The following MUSK variants were observed in gnomAD, a reference collection of about 807,000 sequenced individuals.
MUSK encodes muscle associated receptor tyrosine kinase.
In MUSK, 55 loss-of-function variants were observed where a neutral mutation model predicts 88.7. The ratio of observed to expected loss-of-function variants is 0.62; its 90% confidence interval spans 0.50 to 0.78. MUSK has a LOEUF of 0.78. Ranked by LOEUF, MUSK falls within the 30% of genes least tolerant of loss-of-function variation. The pLI is 0.00. For synonymous variants in MUSK, 387 were observed against 391.9 expected (o/e 0.99, Z 0.15); for missense variants, 1,015 against 1,074.3 (o/e 0.94, Z 0.77).
intron 9 of MUSK, among the ~76,000 whole-genome samples, 169 bp downstream of exon 9, chr9:110,768,252 C>T (rs761072287): frequency 6.6e-6 from 1 of 152,248 alleles, no homozygotes; most frequent in Non-Finnish European, 1.5e-5. Context: ...AATCCCAGCA[C>T]TTCGGGAGGC....
Position 110,775,959 on chromosome 9 carries a change from T to C in MUSK, c.1356T>C (p.His452=), listed in dbSNP as rs1393990919. 1 of 1,610,794 alleles carries C rather than the reference T, an allele frequency of 6.2e-7. No individual in the cohort carries two copies. Among genetic ancestry groups the C allele is most frequent in the Non-Finnish European group, 8.5e-7 (1 of 1,178,030 alleles). ...WDPTACARLP[H]LDYNKENLKT... ...CCACGGCCTGTGCCAGACTGCCACA[T>C]CTAGGTAACACAGAGTTCTCCCAAG... Residue 452 remains histidine, a synonymous_variant, in exon 10 of 15, where the codon CAT becomes CAC. Transcript: ENST00000374448.
At chr9:110,781,714 G>A (rs1349409492) in intron 11 of MUSK, among the ~76,000 whole-genome samples, 1 of 152,206 alleles carries the variant, frequency 6.6e-6, no homozygotes, top group Non-Finnish European at 1.5e-5. Flanking sequence ...GGTATCTGGT[G>A]AGGACCCATT....
chr9:110,709,787 TAACCAACTTTA>T (rs1371932256), intron 5 of MUSK, among the ~76,000 whole-genome samples: 1 of 152,162 alleles, frequency 6.6e-6, no homozygotes, highest in African/African-American at 2.4e-5. Flanking sequence ...AAAAGAATAA[TAACCAACTTTA>T]AATCTGCAAG....
At chr9:110,752,110 G>A (rs2131890505) in intron 7 of MUSK, among the ~76,000 whole-genome samples, 1 of 152,180 alleles carries the variant, frequency 6.6e-6, no homozygotes, top group African/African-American at 2.4e-5. Context: ...AATTTCCCGA[G>A]GCAGACCTAA....
Position 110,785,566 on chromosome 9 carries a change from G to A in MUSK, c.1626G>A (p.Glu542=), listed in dbSNP as rs1564291342. ...TAACCCTCACCACACTGCCTTCTGA[G>A]CTCTTACTAGATAGACTTCATCCCA... ...AAVTLTTLPS[E]LLLDRLHPNP... Residue 542 remains glutamate (E), a synonymous_variant, in exon 13 of 15, where the codon GAG becomes GAA. Coordinates refer to ENST00000374448, the MANE Select transcript of MUSK (RefSeq NM_005592.4). The A allele has an allele frequency of 1.2e-6, 2 of 1,612,658 alleles. No individual in the cohort carries two copies. The highest frequency in any genetic ancestry group is 1.7e-6 in the Non-Finnish European group (2 of 1,179,224).
intron 6 of MUSK, among the ~76,000 whole-genome samples, chr9:110,735,593 G>A (rs752624785): frequency 6.6e-6 from 1 of 152,052 alleles, no homozygotes; most frequent in East Asian, 1.9e-4. Context: ...GTTCGTTCAT[G>A]GGTACATAAG....
At chr9:110,705,387 C>T (rs988086204) in intron 5 of MUSK, among the ~76,000 whole-genome samples, 1 of 152,110 alleles carries the variant, frequency 6.6e-6, no homozygotes, top group East Asian at 1.9e-4. Flanking sequence ...AGGAATCAAT[C>T]CATAAAGCTG....
At chr9:110,772,850 C>T (rs201966924) in intron 9 of MUSK, among the ~76,000 whole-genome samples, 2 of 152,126 alleles carry the variant, frequency 1.3e-5, no homozygotes, top group East Asian at 3.9e-4. Flanking sequence ...TTGAAAAAGT[C>T]TCTACCTTTA....
chr9:110,692,587 A>C (rs974223611), intron 3 of MUSK, among the ~76,000 whole-genome samples: 1 of 151,298 alleles, frequency 6.6e-6, no homozygotes, highest in Non-Finnish European at 1.5e-5. Context: ...TATTTTCTGC[A>C]TGTCTTAATA....
intron 5 of MUSK, among the ~76,000 whole-genome samples, chr9:110,722,385 C>G (rs1213253041): frequency 6.6e-6 from 1 of 151,862 alleles, no homozygotes; most frequent in Non-Finnish European, 1.5e-5. Context: ...CAAAAATTAG[C>G]TGGGTGTGGT....
rs1405098326 is a variant in MUSK, at chr9:110,802,962, A to T, written c.*1974A>T. 1.3e-5 allele frequency among the ~76,000 whole-genome samples: 2 copies of T among 152,172 alleles called. No homozygotes were observed. Among genetic ancestry groups the T allele is most frequent in the Admixed American group, 6.5e-5 (1 of 15,286 alleles). ...AGAATAAAGTTGCAGCGTGTGTCTA[A>T]AGCAGAAAGTCAAGATGCCAACAAA... is the stretch of plus-strand genomic sequence containing the variant. On this transcript the variant is annotated 3_prime_UTR_variant, in exon 15 of 15. Coordinates refer to ENST00000374448, the MANE Select transcript of MUSK (RefSeq NM_005592.4).
intron 1 of MUSK, among the ~76,000 whole-genome samples, chr9:110,682,129 A>G (rs1156394572): frequency 6.6e-6 from 1 of 152,154 alleles, no homozygotes; most frequent in East Asian, 1.9e-4. Flanking sequence ...TGAATTCTCT[A>G]TGAATCTGAT....
intron 5 of MUSK, among the ~76,000 whole-genome samples, chr9:110,722,548 A>T (rs1332780510): frequency 2.0e-5 from 3 of 151,900 alleles, no homozygotes; most frequent in African/African-American, 7.2e-5. Flanking sequence ...AAAAAAAAAC[A>T]TGGGACTTAA....
intron 5 of MUSK, among the ~76,000 whole-genome samples, chr9:110,700,272 T>C (rs1308548557): frequency 6.6e-6 from 1 of 152,206 alleles, no homozygotes; most frequent in African/African-American, 2.4e-5. Context: ...ACAAGGGCCC[T>C]ATATTCTGCC....
intron 5 of MUSK, among the ~76,000 whole-genome samples, chr9:110,713,862 C>A (rs2076710319): frequency 6.6e-6 from 1 of 151,998 alleles, no homozygotes; most frequent in Non-Finnish European, 1.5e-5. Context: ...GAGCTTAGAT[C>A]AAAAAAGTTA....
intron 8 of MUSK, 141 bp from the exon 9 acceptor site, chr9:110,767,679 A>G: frequency 5.8e-6 from 5 of 862,932 alleles, no homozygotes; most frequent in Non-Finnish European, 9.4e-6. Context: ...CAATATTCAA[A>G]TGGAGCGTGT....
chr9:110,759,910 C>G (rs1388514370), intron 7 of MUSK, among the ~76,000 whole-genome samples: 2 of 152,128 alleles, frequency 1.3e-5, no homozygotes, highest in Non-Finnish European at 2.9e-5. Flanking sequence ...GTGGCACATG[C>G]CTGTAATCCC....
At chr9:110,761,879 C>G in intron 7 of MUSK, 1 of 985,122 alleles carries the variant, frequency 1.0e-6, no homozygotes, top group Non-Finnish European at 1.2e-6. Context: ...CGGCCCACAT[C>G]TTGATTTCTT....
chr9:110,673,603 T>A (rs1587873973), intron 1 of MUSK, among the ~76,000 whole-genome samples: 1 of 152,172 alleles, frequency 6.6e-6, no homozygotes, highest in East Asian at 1.9e-4. Flanking sequence ...CCATGTCTAT[T>A]TTCCAAGACA....
Sources: allele counts gnomAD v4.1 joint callset (sites outside exome capture counted in the v4.1 genomes callset), GRCh38; gene constraint gnomAD v4.1.1; transcripts MANE v1.5; gene names NCBI Gene and HGNC (gene_info 2026-07-23, HGNC 2026-07-21).